The following ABHD5 variants were observed in gnomAD, a reference collection of about 807,000 sequenced individuals.
ABHD5 encodes the protein abhydrolase domain containing 5, lysophosphatidic acid acyltransferase.
A neutral mutation model predicts 44.9 loss-of-function variants in ABHD5; 30 were observed. The ratio of observed to expected loss-of-function variants is 0.67; its 90% confidence interval spans 0.50 to 0.91. The LOEUF (loss-of-function observed/expected upper bound fraction) is 0.91. ABHD5 is among the 40% of genes least tolerant of loss of function. The probability of loss-of-function intolerance (pLI) is 0.00; values close to 1 mark genes in which losing one functional copy is unlikely to be tolerated. For synonymous variants in ABHD5, 167 were observed against 147.0 expected (o/e 1.14, Z -0.99); for missense variants, 399 against 423.4 (o/e 0.94, Z 0.50).
chr3:43,704,060 C>T (rs1486297382), intron 3 of ABHD5, among the ~76,000 whole-genome samples: 2 of 126,308 alleles, frequency 1.6e-5, no homozygotes, highest in East Asian at 2.3e-4. Context: ...TTTTTTGAGC[C>T]GGAGTCTCAC....
downstream of ABHD5, among the ~76,000 whole-genome samples, chr3:43,726,869 A>G (rs528911023): frequency 2.0e-4 from 31 of 152,276 alleles, no homozygotes; most frequent in African/African-American, 6.3e-4. Flanking sequence ...CCTGTCCTCA[A>G]TGTCTGACAC....
At chr3:43,714,515 A>T (rs929543032) in intron 4 of ABHD5, among the ~76,000 whole-genome samples, 1 of 152,188 alleles carries the variant, frequency 6.6e-6, no homozygotes, top group Non-Finnish European at 1.5e-5. Context: ...CCCAAGAAGA[A>T]GCTGAATTTA....
At chr3:43,733,644 C>T (rs976831402) in intron 7 of ABHD5, among the ~76,000 whole-genome samples, 1 of 152,206 alleles carries the variant, frequency 6.6e-6, no homozygotes, top group Non-Finnish European at 1.5e-5. Context: ...CAGTAATTTA[C>T]ATTTGAGTCA....
downstream of ABHD5, among the ~76,000 whole-genome samples, chr3:43,725,197 C>T (rs1006233383): frequency 5.3e-5 from 8 of 152,092 alleles, no homozygotes; most frequent in African/African-American, 7.2e-5. Context: ...TTTATTTTTC[C>T]TTTTGCTTAA....
At chr3:43,715,402 A>G (rs913674372) in intron 5 of ABHD5, among the ~76,000 whole-genome samples, 4 of 152,138 alleles carry the variant, frequency 2.6e-5, no homozygotes, top group African/African-American at 4.8e-5. Context: ...ACCCCAGGTC[A>G]TCTGCCCGCC....
chr3:43,707,919 C>T (rs1481902851), intron 3 of ABHD5: 1 of 152,186 alleles, frequency 6.6e-6, no homozygotes, highest in East Asian at 1.9e-4. Context: ...CATGAGCTAC[C>T]ACGCCTGACC....
At chr3:43,708,365 A>G (rs1421668473) in intron 3 of ABHD5, among the ~76,000 whole-genome samples, 1 of 152,204 alleles carries the variant, frequency 6.6e-6, no homozygotes, top group Non-Finnish European at 1.5e-5. Flanking sequence ...TTAGCTAATT[A>G]TAATAATTTA....
At chr3:43,714,442 T>G (rs1347201823) in intron 4 of ABHD5, among the ~76,000 whole-genome samples, 2 of 152,172 alleles carry the variant, frequency 1.3e-5, no homozygotes, top group African/African-American at 2.4e-5. Flanking sequence ...TGTCCTCGGC[T>G]TTTTCTAGAG....
chr3:43,696,342 C>T (rs953942437), intron 1 of ABHD5, among the ~76,000 whole-genome samples: 1 of 152,092 alleles, frequency 6.6e-6, no homozygotes, highest in African/African-American at 2.4e-5. Flanking sequence ...TATAGGTGGG[C>T]TGTGTGAATT....
intron 2 of ABHD5, chr3:43,699,865 CT>C (rs2084518376): frequency 6.2e-6 from 1 of 160,936 alleles, no homozygotes; most frequent in Admixed American, 6.0e-5. Context: ...ACATATGTGA[CT>C]TCTGGAAGAC....
chr3:43,719,988 A>G lies in ABHD5; in HGVS notation c.*1456A>G, dbSNP rs1387089228. The G allele has an allele frequency of 1.3e-5, 2 of 152,190 alleles. No individual in the cohort carries two copies. Among genetic ancestry groups the G allele is most frequent in the Non-Finnish European group, 2.9e-5 (2 of 68,036 alleles). The allele number at this position is 152,190 out of a possible 1,614,324, so 9.4% of individuals were successfully genotyped here. A position where few individuals can be genotyped will look rare whatever the true frequency, so the allele number is the denominator to read the frequency against. ...GTTGATTAACTGCCAGAAAGACTGA[A>G]TGTTCTATTTTCAACATTTCTCCCC... On this transcript the variant is annotated 3_prime_UTR_variant, in exon 7 of 7. Transcript: ENST00000644371.
At chr3:43,725,940 A>C (rs985445284), downstream of ABHD5, among the ~76,000 whole-genome samples, 1 of 151,356 alleles carries the variant, frequency 6.6e-6, no homozygotes, top group Non-Finnish European at 1.5e-5. Flanking sequence ...ATCTCGGCTC[A>C]CTGCAAGCTC....
chr3:43,699,220 G>A, intron 1 of ABHD5, 56 bp from the exon 2 acceptor site: 1 of 1,406,240 alleles, frequency 7.1e-7, no homozygotes, highest in Non-Finnish European at 1.0e-6. Context: ...TGTGACAATT[G>A]GTAGTTGAGA....
Position 43,702,252 on chromosome 3 carries a change from A to G in ABHD5, c.171A>G (p.Ile57Met), listed in dbSNP as rs764673952. ...PCTYKKEPVR[I>M]SNGNKIWTLK... ...CATACAAAAAAGAACCTGTTCGTAT[A>G]TCTAATGGAAATAAAATATGGACAC... Residue 57 changes from isoleucine (I) to methionine (M), a missense_variant, in exon 3 of 7, where the codon ATA (isoleucine) becomes ATG (methionine). Ile to Met is a conservative substitution (Grantham distance 10). Transcript: ENST00000644371. 1 of 1,595,952 alleles carries G rather than the reference A, an allele frequency of 6.3e-7. No individual in the cohort carries two copies. Among genetic ancestry groups the G allele is most frequent in the Non-Finnish European group, 8.6e-7 (1 of 1,168,354 alleles).
rs1188302009 is a variant in ABHD5 at position 43,719,345 on chromosome 3, G to A, written c.*813G>A. ...CCCCTTTCATACTATTCTTTTCCAT[G>A]ACCCAGGATGCAGCAAATGAAACAG... is the stretch of plus-strand genomic sequence containing the variant. On this transcript the variant is annotated 3_prime_UTR_variant, in exon 7 of 7. Coordinates refer to ENST00000644371, the MANE Select transcript of ABHD5 (RefSeq NM_016006.6). 3 of 152,080 alleles carry A rather than the reference G, an allele frequency of 2.0e-5. No homozygotes were observed. The highest frequency in any genetic ancestry group is 4.4e-5 in the Non-Finnish European group (3 of 68,010). 9.4% of individuals were successfully genotyped at this position (152,080 alleles called of 1,614,324 possible).
chr3:43,723,898 T>G (rs1462116458), downstream of ABHD5, among the ~76,000 whole-genome samples: 2 of 152,220 alleles, frequency 1.3e-5, no homozygotes, highest in Non-Finnish European at 2.9e-5. Context: ...AAGGAGTTAT[T>G]TTATTGAGTG....
At chr3:43,701,939 TG>T (rs1343680849) in intron 2 of ABHD5, 1 of 342,780 alleles carries the variant, frequency 2.9e-6, no homozygotes, top group Non-Finnish European at 5.4e-6. Context: ...TTGACAGATG[TG>T]GAAAGAAGTT....
At chr3:43,707,172 A>G (rs77023586) in intron 3 of ABHD5, among the ~76,000 whole-genome samples, 3,524 of 152,236 alleles carry the variant, frequency 0.023, 82 homozygotes, top group African/African-American at 0.059. Flanking sequence ...TAAAAAAACT[A>G]TCTGTATTTT....
rs1188427192 is a variant in ABHD5, at chr3:43,721,797, C to T, written c.*3265C>T. On this transcript the variant is annotated 3_prime_UTR_variant, in exon 7 of 7. Transcript: ENST00000644371. ...AGAATTTTAAACTATGAGAAGAACCCGAAGAATAGGCAAAAGGATGTGAAC... is the reference window on the plus strand; with the variant it reads ...AGAATTTTAAACTATGAGAAGAACCTGAAGAATAGGCAAAAGGATGTGAAC... 1.3e-5 allele frequency: 2 copies of T among 151,516 alleles called. No homozygotes were observed. The highest frequency in any genetic ancestry group is 2.9e-5 in the Non-Finnish European group (2 of 67,906). The allele number at this position is 151,516 out of a possible 1,614,324, so 9.4% of individuals were successfully genotyped here.
Sources: gnomAD v4.1 joint callset for allele counts (sites outside exome capture counted in the v4.1 genomes callset) on GRCh38, gnomAD v4.1.1 for gene constraint, MANE v1.5 for transcripts, NCBI Gene and HGNC (gene_info 2026-07-23, HGNC 2026-07-21) for gene names.